STRA6: variants seen among roughly 807,000 people sequenced by gnomAD.
The protein encoded by STRA6 is receptor for retinol uptake STRA6.
In STRA6, 48 loss-of-function variants were observed where a neutral mutation model predicts 83.6. That is an observed-to-expected ratio of 0.57 (90% CI 0.46 to 0.73). The LOEUF is 0.73. Among genes scored for constraint, STRA6 ranks in the 30% least tolerant of loss-of-function variants. The probability of loss-of-function intolerance (pLI) is 0.00; values close to 1 mark genes in which losing one functional copy is unlikely to be tolerated. For synonymous variants in STRA6, 353 were observed against 362.3 expected (o/e 0.97, Z 0.29); for missense variants, 760 against 838.8 (o/e 0.91, Z 1.16).
chr15:74,184,045 T>C, intron 13 of STRA6, 56 bp from the exon 14 acceptor site: 2 of 1,604,578 alleles, frequency 1.2e-6, no homozygotes, highest in Non-Finnish European at 1.7e-6. Flanking sequence ...TCTTCCTAAA[T>C]CCTCCTCTGG....
At chr15:74,192,679 G>A (rs2073606170) in intron 8 of STRA6, among the ~76,000 whole-genome samples, 1 of 152,150 alleles carries the variant, frequency 6.6e-6, no homozygotes, top group South Asian at 2.1e-4. Flanking sequence ...GGCTGGCCAG[G>A]TGCCTCCCAT....
upstream of STRA6, chr15:74,209,209 G>T: frequency 4.8e-6 from 5 of 1,047,410 alleles, no homozygotes; most frequent in Admixed American, 2.4e-5. Flanking sequence ...TGTCTCCAGC[G>T]GTATAGCCTC....
Position 74,181,382 on chromosome 15 carries a change from C to A in STRA6, c.1597G>T (p.Val533Leu). The A allele has an allele frequency of 6.2e-7, 1 of 1,613,304 alleles. No individual in the cohort carries two copies. The highest frequency in any genetic ancestry group is 1.3e-5 in the African/African-American group (1 of 74,946). Reference protein sequence around the residue: ...LVGAMVATWRVLLSALYNAIH... With the variant: ...LVGAMVATWRLLLSALYNAIH... Reference sequence around the variant, plus strand: ...GCGTTGTAGAGGGCAGAGAGGAGCACTCGCCAGGTGGCCACCATGGCACCC... The same window carrying A: ...GCGTTGTAGAGGGCAGAGAGGAGCAATCGCCAGGTGGCCACCATGGCACCC... The change falls in exon 17 of 19, where the codon GTG becomes TTG. Residue 533 changes from valine to leucine, a missense_variant. Val to Leu is a conservative substitution (Grantham distance 32, BLOSUM62 1). Transcript: ENST00000395105.
intron 12 of STRA6, 72 bp downstream of exon 12, chr15:74,189,043 T>G: frequency 6.3e-7 from 1 of 1,580,228 alleles, no homozygotes; most frequent in Admixed American, 1.7e-5. Context: ...CATGGCTGAC[T>G]AGGGCATAGA....
rs375933708 is a variant in STRA6, at chr15:74,180,912, C to T, written c.1710G>A (p.Leu570=). ...GATGCGACTGGCTGACTTCAATCTTCAAGAAGTTTCGGTACGTGTAGTAGC... is the reference window on the plus strand; with the variant it reads ...GATGCGACTGGCTGACTTCAATCTTTAAGAAGTTTCGGTACGTGTAGTAGC... ...DPGYYTYRNF[L]KIEVSQSHPA... is the part of the protein sequence containing the mutation. Residue 570 remains leucine (L), a synonymous_variant, in exon 18 of 19, where the codon TTG becomes TTA. Transcript: ENST00000395105. 4.3e-6 allele frequency: 7 copies of T among 1,613,866 alleles called. No individual in the cohort carries two copies. The African/African-American group carries it at 8.0e-5, about 18-fold the overall frequency.
intron 2 of STRA6, among the ~76,000 whole-genome samples, chr15:74,200,972 C>T (rs1335583313): frequency 2.6e-5 from 4 of 152,382 alleles, no homozygotes; most frequent in African/African-American, 9.6e-5. Flanking sequence ...CAGAAACCAT[C>T]CTCATGGGTT....
At chr15:74,191,049 T>A (rs2073506673) in intron 10 of STRA6, 118 bp downstream of exon 10, 2 of 1,566,088 alleles carry the variant, frequency 1.3e-6, no homozygotes, top group Admixed American at 3.8e-5. Context: ...AAGCTGGTAG[T>A]TGTCCCTCTT....
Position 74,189,164 on chromosome 15 carries a change from G to C in STRA6, c.1041C>G (p.Asp347Glu). 1 of 1,614,106 alleles carries C rather than the reference G, an allele frequency of 6.2e-7. No individual in the cohort carries two copies. The highest frequency in any genetic ancestry group is 8.5e-7 in the Non-Finnish European group (1 of 1,180,026). ...LAGFGIVLSE[D>E]KQEVVELVKH... ...TCACCAGCTCCACCACCTCCTGCTT[G>C]TCCTCGGAGAGCACGATTCCAAAGC... is the stretch of plus-strand genomic sequence containing the variant. The change falls in exon 12 of 19, where the codon GAC (aspartate) becomes GAG (glutamate). Residue 347 changes from aspartate to glutamate, a missense_variant. By Grantham distance (45) the Asp-to-Glu change is conservative. Coordinates refer to ENST00000395105, the MANE Select transcript of STRA6 (RefSeq NM_022369.4).
rs374729469 is a variant in STRA6, at chr15:74,191,218, G to A, written c.814C>T (p.Leu272=). 6.2e-7 allele frequency: 1 copy of A among 1,613,876 alleles called. No individual in the cohort carries two copies. Among genetic ancestry groups the A allele is most frequent in the African/African-American group, 1.3e-5 (1 of 74,902 alleles). Residue 272 remains leucine (L), a synonymous_variant, in exon 10 of 19, where the codon CTG becomes TTG. Coordinates refer to ENST00000395105, the MANE Select transcript of STRA6 (RefSeq NM_022369.4). ...SSYHTSKHGF[L]SWARVCLRHC... is the part of the protein sequence containing the mutation. ...CTCAAGCAGACGCGGGCCCAGGACA[G>A]GAAGCCATGCTTGGAGGTGTGGTAG...
rs181375768 is a variant in STRA6 at position 74,201,302 on chromosome 15, C to T, written c.113+853G>A. Among the ~76,000 whole-genome samples, 6 of 152,320 alleles carry T rather than the reference C, an allele frequency of 3.9e-5. No homozygotes were observed. The East Asian group carries it at 1.2e-3, about 29-fold the overall frequency. On this transcript the variant is annotated intron_variant, in intron 2 of 18. Transcript: ENST00000395105. ...ACAGATGTGCACACATCTGGCTCGG[C>T]AACCCCCAGCCTCACCTTTCTACTT...
chr15:74,202,176 C>A lies in STRA6; in HGVS notation c.92G>T (p.Gly31Val), dbSNP rs2074099468. 2 of 1,506,072 alleles carry A rather than the reference C, an allele frequency of 1.3e-6. No individual in the cohort carries two copies. Among genetic ancestry groups the A allele is most frequent in the African/African-American group, 1.4e-5 (1 of 71,322 alleles). The allele number at this position is 1,506,072 out of a possible 1,614,324, so 93.3% of individuals were successfully genotyped here. A position where few individuals can be genotyped will look rare whatever the true frequency, so the allele number is the denominator to read the frequency against. The change falls in exon 2 of 19, where the codon GGC (glycine) becomes GTC (valine). Residue 31 changes from glycine to valine, a missense_variant. Gly to Val is a moderately radical substitution (Grantham distance 109). Transcript: ENST00000395105. ...GSWYIDEPQG[G>V]EELQPEGEVP... ...TTACCCCTCTGGCTGGAGCTCCTCGCCCCCCTGGGGCTCATCGATGTACCA... is the reference window on the plus strand; with the variant it reads ...TTACCCCTCTGGCTGGAGCTCCTCGACCCCCTGGGGCTCATCGATGTACCA...
At chr15:74,206,752 G>T (rs2074269800), upstream of STRA6, among the ~76,000 whole-genome samples, 1 of 152,212 alleles carries the variant, frequency 6.6e-6, no homozygotes, top group South Asian at 2.1e-4. Flanking sequence ...AGAATGAATT[G>T]ACACGTGTCT....
intron 7 of STRA6, chr15:74,195,038 TTC>T (rs2073742571): frequency 7.0e-7 from 1 of 1,435,832 alleles, no homozygotes; most frequent in African/African-American, 1.4e-5. Flanking sequence ...AGGCTTTCTC[TTC>T]CCCCTACTCT....
Position 74,182,426 on chromosome 15 carries a change from T to C in STRA6, c.1335A>G (p.Gly445=), listed in dbSNP as rs771816890. ...GCACCAGGAAGGCCAGGGCCGTGGT[T>C]CCCAGGAAGAAGATGATCTGCTGCA... The part of the protein sequence containing the change: ...LLVQQIIFFL[G]TTALAFLVLM... The change falls in exon 15 of 19, where the codon GGA becomes GGG. Residue 445 remains glycine, a synonymous_variant. Transcript: ENST00000395105. 27 of 1,611,662 alleles carry C rather than the reference T, an allele frequency of 1.7e-5. No individual in the cohort carries two copies. Among genetic ancestry groups the C allele is most frequent in the Non-Finnish European group, 2.3e-5 (27 of 1,178,992 alleles).
chr15:74,187,900 T>C (rs558170867), intron 12 of STRA6, among the ~76,000 whole-genome samples: 76 of 152,270 alleles, frequency 5.0e-4, no homozygotes, highest in African/African-American at 1.7e-3. Flanking sequence ...TGAGCTGGGA[T>C]CAATGATGCT....
rs758320983 is a variant in STRA6, at chr15:74,195,994, G to A, written c.406+14C>T. ...CCATCACACCAACCCCAGGGCCTGG[G>A]GGTCAGTGGGTACCTTGGCTGGGTG... On this transcript the variant is annotated intron_variant, in intron 5 of 18. Coordinates refer to ENST00000395105, the MANE Select transcript of STRA6 (RefSeq NM_022369.4). 6.2e-7 allele frequency: 1 copy of A among 1,613,764 alleles called. No homozygotes were observed. Among genetic ancestry groups the A allele is most frequent in the South Asian group, 1.1e-5 (1 of 91,048 alleles).
chr15:74,187,217 C>T (rs1043098440), intron 12 of STRA6, among the ~76,000 whole-genome samples: 1 of 152,210 alleles, frequency 6.6e-6, no homozygotes, highest in South Asian at 2.1e-4. Flanking sequence ...TGATCTCCAT[C>T]CATCTACCTC....
chr15:74,207,602 T>A (rs1286784838), upstream of STRA6: 4 of 1,194,782 alleles, frequency 3.3e-6, no homozygotes, highest in Non-Finnish European at 4.8e-6. Flanking sequence ...TAGTTTACAA[T>A]ACTCAAACCT....
chr15:74,202,919 G>A, upstream of STRA6: 5 of 989,578 alleles, frequency 5.1e-6, no homozygotes, highest in Non-Finnish European at 6.0e-6. Flanking sequence ...GGGGGAGGAG[G>A]CCCCAGCACC....
Sources: allele counts gnomAD v4.1 joint callset (sites outside exome capture counted in the v4.1 genomes callset), GRCh38; gene constraint gnomAD v4.1.1; transcripts MANE v1.5; gene names NCBI Gene and HGNC (gene_info 2026-07-23, HGNC 2026-07-21).